Variants in SMG6 observed in about 807,000 individuals in gnomAD.
SMG6 encodes SMG6 nonsense mediated mRNA decay factor, also known as telomerase-binding protein EST1A.
In SMG6, 66 loss-of-function variants were observed where a neutral mutation model predicts 142.2. That is an observed-to-expected ratio of 0.46 (90% CI 0.38 to 0.57). SMG6 has a LOEUF of 0.57. Ranked by LOEUF, SMG6 falls within the 20% of genes least tolerant of loss-of-function variation. The pLI is 0.00. For missense variants in SMG6, 1,793 were observed against 1,832.0 expected (o/e 0.98, Z 0.39); for synonymous variants, 779 against 702.4 (o/e 1.11, Z -1.72).
intron 13 of SMG6, chr17:2,088,228 G>C: frequency 1.0e-6 from 1 of 985,418 alleles, no homozygotes; most frequent in Non-Finnish European, 1.2e-6. Flanking sequence ...ATGGTATGCT[G>C]CGTGGCTAAG....
chr17:2,243,612 C>T (rs775885616), intron 9 of SMG6, among the ~76,000 whole-genome samples: 1 of 152,084 alleles, frequency 6.6e-6, no homozygotes, highest in East Asian at 1.9e-4. Flanking sequence ...ACTCAGAGGG[C>T]AGAGGTTGCA....
At chr17:2,123,796 G>A (rs990666472) in intron 13 of SMG6, among the ~76,000 whole-genome samples, 51 of 152,178 alleles carry the variant, frequency 3.4e-4, no homozygotes, top group African/African-American at 1.2e-3. Context: ...ATATGTTTGT[G>A]CTCATCTGGT....
chr17:2,178,852 C>T (rs987670794), intron 12 of SMG6, among the ~76,000 whole-genome samples: 1 of 152,202 alleles, frequency 6.6e-6, no homozygotes, highest in African/African-American at 2.4e-5. Flanking sequence ...TGCGGATTCT[C>T]ACGGTTCCTG....
At chr17:2,249,180 A>G (rs981526805) in intron 8 of SMG6, among the ~76,000 whole-genome samples, 3 of 152,076 alleles carry the variant, frequency 2.0e-5, no homozygotes, top group Admixed American at 6.6e-5. Context: ...GGCGTGAGCC[A>G]CCGCGAGAAC....
chr17:2,196,928 G>C (rs2072348087), intron 10 of SMG6, among the ~76,000 whole-genome samples: 1 of 152,132 alleles, frequency 6.6e-6, no homozygotes, highest in South Asian at 2.1e-4. Flanking sequence ...TTAGACATCT[G>C]TATGCAAAAA....
At chr17:2,180,066 TG>T (rs1264137740) in intron 12 of SMG6, among the ~76,000 whole-genome samples, 1 of 152,206 alleles carries the variant, frequency 6.6e-6, no homozygotes, top group East Asian at 1.9e-4. Flanking sequence ...GCCCTAGCCT[TG>T]CCAAAGGTCC....
chr17:2,299,990 G>C lies in SMG6; in HGVS notation c.763C>G (p.Arg255Gly). The C allele has an allele frequency of 2.5e-6, 4 of 1,614,058 alleles. No homozygotes were observed. The highest frequency in any genetic ancestry group is 3.4e-6 in the Non-Finnish European group (4 of 1,180,018). The change falls in exon 2 of 19, where the codon CGC becomes GGC. Residue 255 changes from arginine to glycine, a missense_variant. Physicochemically the swap from Arg to Gly is moderately radical, Grantham distance 125 (BLOSUM62 -2). This residue lies in a region of SMG6 where 1,597 missense variants were observed against 1,584.6 expected (regional missense o/e 1.01). Transcript: ENST00000263073. The surrounding 1 kb of genome is among the most constrained non-coding windows in gnomAD (Gnocchi z 4.3). ...CCAGCTGAGCTGGTGCTGCGCGTGC[G>C]GTAGCGATTCCTTCGTTTGTCTGAG... ...SRSDKRRNRY[R>G]TRSTSSAGSN...
In SMG6 at chr17:2,060,797, T is replaced by C. The variant is rs1338272024; in HGVS notation, c.*695A>G. The C allele has an allele frequency of 1.3e-5, 2 of 152,428 alleles. No homozygotes were observed. Among genetic ancestry groups the C allele is most frequent in the Non-Finnish European group, 2.9e-5 (2 of 68,324 alleles). The allele number at this position is 152,428 out of a possible 1,614,324, so 9.4% of individuals were successfully genotyped here. ...CCCCTTTCCTCTAGACTCATGACTG[T>C]CCACGGGGACGCAACTGGCGAAGTG... On this transcript the variant is annotated 3_prime_UTR_variant, in exon 19 of 19. Coordinates refer to ENST00000263073, the MANE Select transcript of SMG6 (RefSeq NM_017575.5).
At position 2,299,722 on chromosome 17, in the gene SMG6, T is replaced by C. The variant is rs768578708; in HGVS notation, c.1031A>G (p.Lys344Arg). 33 of 1,614,170 alleles carry C rather than the reference T, an allele frequency of 2.0e-5. No individual in the cohort carries two copies. The highest frequency in any genetic ancestry group is 2.3e-5 in the Non-Finnish European group (27 of 1,180,034). Residue 344 changes from lysine (K) to arginine (R), a missense_variant, in exon 2 of 19, where the codon AAA (lysine) becomes AGA (arginine). By Grantham distance (26) the Lys-to-Arg change is conservative. Around this residue, in one of 3 missense-constraint regions of SMG6, gnomAD observed 1,597 missense variants for 1,584.6 expected, o/e 1.01. Coordinates refer to ENST00000263073, the MANE Select transcript of SMG6 (RefSeq NM_017575.5). This position sits in a 1 kb window ranked among gnomAD's most constrained non-coding sequence, Gnocchi z 4.3. ...GACACGAAGAGTGCCTCGATATTCT[T>C]TAGCACTGTTTTTCTGCTCACCCTC... ...RGEGEQKNSA[K>R]EYRGTLRVTF...
chr17:2,282,570 G>A, intron 8 of SMG6, 77 bp downstream of exon 8: 3 of 1,404,752 alleles, frequency 2.1e-6, no homozygotes, highest in Non-Finnish European at 3.0e-6. Flanking sequence ...AAGTATCTGT[G>A]CCTCACAGCT....
intron 13 of SMG6, among the ~76,000 whole-genome samples, chr17:2,109,955 C>T (rs559603751): frequency 6.6e-6 from 1 of 152,008 alleles, no homozygotes; most frequent in African/African-American, 2.4e-5. Context: ...TGGTGGTGCA[C>T]GTCTGCAGTC....
At chr17:2,091,167 G>A (rs974348200) in intron 13 of SMG6, among the ~76,000 whole-genome samples, 2 of 152,198 alleles carry the variant, frequency 1.3e-5, no homozygotes, top group Admixed American at 6.5e-5. Context: ...GGGTGGGCCA[G>A]CCTACGAAGG....
At position 2,292,618 on chromosome 17, in the gene SMG6, C is replaced by T; in HGVS notation, c.2271G>A (p.Lys757=). ...CATTCTTGGGAGCAATGTGCTGGGC[C>T]TTCAGGTACCAACTAGAACAGAAAA... ...NYGKARSWYL[K]AQHIAPKNGR... is the part of the protein sequence containing the mutation. Residue 757 remains lysine, a synonymous_variant, in exon 6 of 19, where the codon AAG becomes AAA. Transcript: ENST00000263073. 6.2e-7 allele frequency: 1 copy of T among 1,606,724 alleles called. No homozygotes were observed. Among genetic ancestry groups the T allele is most frequent in the Non-Finnish European group, 8.5e-7 (1 of 1,177,356 alleles).
chr17:2,072,619 C>G (rs1308981669), intron 15 of SMG6, among the ~76,000 whole-genome samples: 1 of 152,186 alleles, frequency 6.6e-6, no homozygotes, highest in East Asian at 1.9e-4. Flanking sequence ...CCGCTGCAAG[C>G]TGAGACACTG....
At chr17:2,194,219 A>G (rs1462945208) in intron 10 of SMG6, among the ~76,000 whole-genome samples, 1 of 152,242 alleles carries the variant, frequency 6.6e-6, no homozygotes, top group African/African-American at 2.4e-5. Context: ...TGGAACCACA[A>G]AGTATAGGGC....
chr17:2,184,713 C>CCAG (rs1224854645), intron 12 of SMG6, among the ~76,000 whole-genome samples: 5 of 148,100 alleles, frequency 3.4e-5, no homozygotes, highest in Non-Finnish European at 7.4e-5. Context: ...GCCTGTAATC[C>CCAG]CAGCACTTTG....
At chr17:2,267,564 A>G (rs1122645) in intron 8 of SMG6, among the ~76,000 whole-genome samples, 64,782 of 151,796 alleles carry the variant, frequency 0.43, 15,097 homozygotes, top group African/African-American at 0.62. Context: ...TCATGATGAT[A>G]TAATTATGAG....
At chr17:2,273,556 C>T (rs768878459) in intron 8 of SMG6, among the ~76,000 whole-genome samples, 8 of 152,114 alleles carry the variant, frequency 5.3e-5, no homozygotes, top group Admixed American at 1.3e-4. Context: ...TCGTTTGAAC[C>T]GGGGAGGCGG....
chr17:2,267,749 TTA>T lies in SMG6; in HGVS notation c.2661+14896_2661+14897del, dbSNP rs1379010396. Among the ~76,000 whole-genome samples, 203 of 112,622 alleles carry T rather than the reference TTA, an allele frequency of 1.8e-3. No homozygotes were observed. In the Middle Eastern group the frequency reaches 0.019, roughly 11 times the overall value. The allele number at this position is 112,622 out of a possible 152,430, so 73.9% of individuals were successfully genotyped here. A position where few individuals can be genotyped will look rare whatever the true frequency, so the allele number is the denominator to read the frequency against. On this transcript the variant is annotated intron_variant, in intron 8 of 18. Coordinates refer to ENST00000263073, the MANE Select transcript of SMG6 (RefSeq NM_017575.5). Reference sequence around the variant, plus strand: ...TATGTATTTTTAATTATTTTTATTATTATTTTTTTTTTTTTTGAGACAGAGTC... The same window carrying T: ...TATGTATTTTTAATTATTTTTATTATTTTTTTTTTTTTTTGAGACAGAGTC...
Sources: allele counts gnomAD v4.1 joint callset (sites outside exome capture counted in the v4.1 genomes callset), GRCh38; gene constraint gnomAD v4.1.1; regional missense constraint gnomAD v4.1.1; non-coding constraint Gnocchi (gnomAD v3.1); transcripts MANE v1.5; gene names NCBI Gene and HGNC (gene_info 2026-07-23, HGNC 2026-07-21).